Variants in PARN observed in about 807,000 individuals in gnomAD.
PARN encodes the protein poly(A)-specific ribonuclease PARN.
Under a neutral mutation model 102.8 loss-of-function variants are expected in PARN, and 71 were observed. That is an observed-to-expected ratio of 0.69 (90% CI 0.57 to 0.84). The LOEUF (loss-of-function observed/expected upper bound fraction) is 0.84, where lower values mean the gene tolerates loss of function less well. PARN is among the 40% of genes least tolerant of loss of function. The probability of loss-of-function intolerance (pLI) is 0.00; values close to 1 mark genes in which losing one functional copy is unlikely to be tolerated. For missense variants in PARN, 782 were observed against 760.9 expected (o/e 1.03, Z -0.33); for synonymous variants, 261 against 252.9 (o/e 1.03, Z -0.30).
At chr16:14,513,228 A>G (rs1965294191) in intron 21 of PARN, among the ~76,000 whole-genome samples, 1 of 152,150 alleles carries the variant, frequency 6.6e-6, no homozygotes, top group East Asian at 1.9e-4. Context: ...CCTGGCCAAA[A>G]ATATTTTCAA....
rs191733633 is a variant in PARN at position 14,489,317 on chromosome 16, C to T, written c.1481-6490G>A. On this transcript the variant is annotated intron_variant, in intron 21 of 23. Coordinates refer to ENST00000437198, the MANE Select transcript of PARN (RefSeq NM_002582.4). ...TTTTAAACAAACAAAATTTCTAGCA[C>T]GCCTGTAATCCCAGCTACTCGGGAG... Among the ~76,000 whole-genome samples the T allele has an allele frequency of 1.4e-3, 214 of 151,982 alleles. 2 individuals carry two copies. The highest frequency in any genetic ancestry group is 5.0e-3 in the African/African-American group (209 of 41,440).
At chr16:14,459,074 GA>G (rs1466845990) in intron 22 of PARN, among the ~76,000 whole-genome samples, 1 of 152,110 alleles carries the variant, frequency 6.6e-6, no homozygotes, top group Non-Finnish European at 1.5e-5. Flanking sequence ...ATTTAACGTT[GA>G]AAGATTGAAA....
chr16:14,532,695 C>CG (rs537869354), intron 21 of PARN, among the ~76,000 whole-genome samples: 59 of 151,654 alleles, frequency 3.9e-4, no homozygotes, highest in African/African-American at 9.9e-4. Context: ...ACCTCCCAGA[C>CG]GGGGGGGCGA....
intron 5 of PARN, among the ~76,000 whole-genome samples, chr16:14,625,992 A>AG (rs1972629551): frequency 1.3e-5 from 2 of 152,190 alleles, no homozygotes; most frequent in South Asian, 4.1e-4. Context: ...AAACAGTGAT[A>AG]TTTACTGAGT....
chr16:14,580,687 T>C (rs1969478541), intron 18 of PARN, among the ~76,000 whole-genome samples, 187 bp downstream of exon 18: 1 of 152,096 alleles, frequency 6.6e-6, no homozygotes, highest in Non-Finnish European at 1.5e-5. Context: ...TTTAAGCCTA[T>C]ATTTTTAATA....
At chr16:14,446,042 A>G (rs2151555716) in intron 23 of PARN, among the ~76,000 whole-genome samples, 1 of 152,362 alleles carries the variant, frequency 6.6e-6, no homozygotes, top group East Asian at 1.9e-4. Flanking sequence ...TAAGCACTCA[A>G]TAAGCAGTGG....
At chr16:14,616,526 G>A (rs1567456315) in intron 6 of PARN, among the ~76,000 whole-genome samples, 2 of 152,218 alleles carry the variant, frequency 1.3e-5, no homozygotes, top group Non-Finnish European at 2.9e-5. Context: ...CAGGTGGATT[G>A]TTCGAGGACA....
In PARN at chr16:14,556,881, CATT is replaced by C. The variant is rs1236418382; in HGVS notation, c.1263-1175_1263-1173del. On this transcript the variant is annotated intron_variant, in intron 18 of 23. Coordinates refer to ENST00000437198, the MANE Select transcript of PARN (RefSeq NM_002582.4). ...AAGTGACTGTCTCAAAAGCCCACAT[CATT>C]ATTATCATTTAAAACACACTAAAAG... is the stretch of plus-strand genomic sequence containing the variant. Among the ~76,000 whole-genome samples the C allele has an allele frequency of 2.0e-5, 3 of 152,220 alleles. No homozygotes were observed. In the East Asian group the frequency reaches 5.8e-4, roughly 29 times the overall value.
intron 18 of PARN, among the ~76,000 whole-genome samples, chr16:14,563,605 G>A (rs1192151015): frequency 6.6e-6 from 1 of 151,434 alleles, no homozygotes; most frequent in Non-Finnish European, 1.5e-5. Context: ...CAGGGTCTAT[G>A]TTGCCCAAGC....
intron 5 of PARN, among the ~76,000 whole-genome samples, chr16:14,625,430 G>A (rs557038056): frequency 6.6e-6 from 1 of 152,178 alleles, no homozygotes; most frequent in Non-Finnish European, 1.5e-5. Flanking sequence ...CCAGGAGGCA[G>A]AGGTTACAGT....
At chr16:14,529,273 G>A (rs1966184654) in intron 21 of PARN, among the ~76,000 whole-genome samples, 1 of 152,198 alleles carries the variant, frequency 6.6e-6, no homozygotes, top group Non-Finnish European at 1.5e-5. Context: ...CTTGGCGTTG[G>A]AAAGGTAGAT....
At chr16:14,491,037 C>T (rs1281040861) in intron 21 of PARN, among the ~76,000 whole-genome samples, 1 of 151,850 alleles carries the variant, frequency 6.6e-6, no homozygotes, top group Non-Finnish European at 1.5e-5. Context: ...ATCTAAGGAA[C>T]TAGGCAGATA....
chr16:14,495,643 G>A (rs1440670147), intron 21 of PARN, among the ~76,000 whole-genome samples: 2 of 152,212 alleles, frequency 1.3e-5, no homozygotes, highest in African/African-American at 4.8e-5. Flanking sequence ...GACTGCAGAC[G>A]CCTCGAATTC....
intron 22 of PARN, among the ~76,000 whole-genome samples, chr16:14,480,446 A>G (rs945753163): frequency 6.6e-6 from 1 of 152,246 alleles, no homozygotes; most frequent in Non-Finnish European, 1.5e-5. Flanking sequence ...GACAAAGGCT[A>G]TGTATCCAGA....
intron 22 of PARN, among the ~76,000 whole-genome samples, chr16:14,460,263 C>T (rs1228751596): frequency 6.6e-6 from 1 of 152,042 alleles, no homozygotes; most frequent in Admixed American, 6.6e-5. Flanking sequence ...TAATGGATGG[C>T]CAAGAACAGC....
intron 10 of PARN, among the ~76,000 whole-genome samples, chr16:14,606,256 C>A (rs570563357): frequency 2.8e-4 from 42 of 152,094 alleles, no homozygotes; most frequent in Admixed American, 1.8e-3. Flanking sequence ...AAAAAATTAG[C>A]CAAGCATGGT....
intron 21 of PARN, among the ~76,000 whole-genome samples, chr16:14,506,251 G>C (rs1024257638): frequency 6.6e-6 from 1 of 152,156 alleles, no homozygotes; most frequent in African/African-American, 2.4e-5. Flanking sequence ...ACAGGCTGGG[G>C]AACTATTCCA....
At chr16:14,617,935 G>A (rs897593304) in intron 5 of PARN, among the ~76,000 whole-genome samples, 11 of 151,940 alleles carry the variant, frequency 7.2e-5, no homozygotes, top group Non-Finnish European at 1.0e-4. Context: ...TCAAACTTCC[G>A]GACTCAAGCA....
intron 22 of PARN, among the ~76,000 whole-genome samples, chr16:14,451,975 C>T (rs1961484536): frequency 6.8e-6 from 1 of 147,650 alleles, no homozygotes; most frequent in African/African-American, 2.5e-5. Context: ...TTGCTTGAGT[C>T]TGGGAGTTTG....
Sources: gnomAD v4.1 joint callset for allele counts (sites outside exome capture counted in the v4.1 genomes callset) on GRCh38, gnomAD v4.1.1 for gene constraint, MANE v1.5 for transcripts, NCBI Gene and HGNC (gene_info 2026-07-23, HGNC 2026-07-21) for gene names.